The following RGS7 variants were observed in gnomAD, a reference collection of about 807,000 sequenced individuals.
The protein encoded by RGS7 is regulator of G-protein signaling 7.
A neutral mutation model predicts 81.1 loss-of-function variants in RGS7; 27 were observed. The observed-to-expected ratio is 0.33, with a 90% CI of 0.25 to 0.46. The LOEUF is 0.46. Among genes scored for constraint, RGS7 ranks in the 20% least tolerant of loss-of-function variants. The probability of loss-of-function intolerance (pLI) is 1.00; values close to 1 mark genes in which losing one functional copy is unlikely to be tolerated. For synonymous variants in RGS7, 208 were observed against 207.7 expected, an observed-to-expected ratio of 1.00 and a Z score of -0.01; for missense variants, 396 against 607.4, an observed-to-expected ratio of 0.65 and a Z score of 3.66.
At chr1:241,283,803 A>G (rs1366237663) in intron 2 of RGS7, among the ~76,000 whole-genome samples, 1 of 152,112 alleles carries the variant, frequency 6.6e-6, no homozygotes, top group Non-Finnish European at 1.5e-5. Flanking sequence ...AAGTCTTCCT[A>G]TTTAATTTCA....
intron 6 of RGS7, among the ~76,000 whole-genome samples, chr1:240,899,264 G>A (rs1287620574): frequency 6.6e-6 from 1 of 152,124 alleles, no homozygotes; most frequent in Middle Eastern, 3.2e-3. Flanking sequence ...TCTTTTAATT[G>A]AAGCATTTAG....
chr1:240,875,953 T>A (rs1248597781), intron 6 of RGS7, among the ~76,000 whole-genome samples: 2 of 152,240 alleles, frequency 1.3e-5, no homozygotes, highest in East Asian at 1.9e-4. Flanking sequence ...GGCAAAAGTT[T>A]AAAGCTCCTT....
chr1:241,155,448 A>G (rs574404484), intron 2 of RGS7, among the ~76,000 whole-genome samples: 5 of 152,124 alleles, frequency 3.3e-5, no homozygotes, highest in Admixed American at 1.3e-4. Flanking sequence ...AAATTAGTAT[A>G]GTAGAAGGAA....
At chr1:241,142,216 C>G (rs1190994385) in intron 2 of RGS7, among the ~76,000 whole-genome samples, 1 of 152,200 alleles carries the variant, frequency 6.6e-6, no homozygotes, top group Admixed American at 6.5e-5. Context: ...ACAGGTTTTC[C>G]AGGTGCACAG....
intron 6 of RGS7, among the ~76,000 whole-genome samples, chr1:240,888,247 T>G (rs929621723): frequency 6.6e-6 from 1 of 152,182 alleles, no homozygotes; most frequent in African/African-American, 2.4e-5. Flanking sequence ...CCAGGTACGC[T>G]TTCAGTCTCA....
intron 2 of RGS7, among the ~76,000 whole-genome samples, chr1:241,317,134 T>C (rs144444801): frequency 7.4e-4 from 113 of 152,310 alleles, no homozygotes; most frequent in African/African-American, 2.7e-3. Context: ...GCTTCCAATG[T>C]TTGATATGGA....
intron 2 of RGS7, among the ~76,000 whole-genome samples, chr1:241,099,448 A>G (rs916570245): frequency 2.6e-5 from 4 of 152,128 alleles, no homozygotes; most frequent in African/African-American, 9.7e-5. Context: ...ACACACACAT[A>G]TGTATACAAT....
At chr1:241,306,239 T>TCACACACATAAGCACACATGTC (rs2080116631) in intron 2 of RGS7, among the ~76,000 whole-genome samples, 1 of 145,322 alleles carries the variant, frequency 6.9e-6, no homozygotes, top group South Asian at 2.2e-4. Flanking sequence ...CTACACACCC[T>TCACACACATAAGCACACATGTC]CACACACATA....
intron 5 of RGS7, among the ~76,000 whole-genome samples, chr1:240,933,404 A>AT (rs1395017933): frequency 6.6e-6 from 1 of 151,982 alleles, no homozygotes; most frequent in East Asian, 1.9e-4. Flanking sequence ...ATTCTCCATC[A>AT]TTTACTTTAG....
chr1:240,951,155 A>G (rs1022573196), intron 4 of RGS7, among the ~76,000 whole-genome samples: 13 of 152,150 alleles, frequency 8.5e-5, no homozygotes, highest in Non-Finnish European at 1.5e-5. Flanking sequence ...CCTGGGCTTA[A>G]GCTATCTGCC....
intron 3 of RGS7, among the ~76,000 whole-genome samples, chr1:241,010,556 C>T (rs1001396959): frequency 6.6e-6 from 1 of 152,176 alleles, no homozygotes; most frequent in East Asian, 1.9e-4. Context: ...AAGAATGAAA[C>T]TGCATTTTGG....
chr1:241,100,319 G>A (rs983474373), intron 2 of RGS7, among the ~76,000 whole-genome samples: 53 of 145,952 alleles, frequency 3.6e-4, no homozygotes, highest in Non-Finnish European at 1.5e-4. Context: ...AGCTTGCAGT[G>A]AGCCGAGATG....
At chr1:241,016,310 G>A (rs1174880840) in intron 3 of RGS7, among the ~76,000 whole-genome samples, 1 of 152,142 alleles carries the variant, frequency 6.6e-6, no homozygotes, top group Non-Finnish European at 1.5e-5. Flanking sequence ...ATGAGGTCAA[G>A]AGAACAAGAC....
At chr1:241,068,244 A>G (rs1343510042) in intron 3 of RGS7, among the ~76,000 whole-genome samples, 367 of 15,392 alleles carry the variant, frequency 0.024, 26 homozygotes, top group Admixed American at 0.16. Context: ...GTGTGTATAT[A>G]TATATATATA....
intron 2 of RGS7, among the ~76,000 whole-genome samples, chr1:241,251,572 C>T (rs377634160): frequency 8.9e-4 from 134 of 150,852 alleles, no homozygotes; most frequent in African/African-American, 3.2e-3. Context: ...TGCAATGGCG[C>T]GAGCTTGGCT....
chr1:240,960,217 C>CTTCTTCTTTTTTTTTTTTTT (rs60911948), intron 4 of RGS7, among the ~76,000 whole-genome samples: 1 of 8,954 alleles, frequency 1.1e-4, no homozygotes, highest in Non-Finnish European at 2.0e-4. Context: ...TCTTCTTCTT[C>CTTCTTCTTTTTTTTTTTTTT]TTTTTTTTTT....
intron 3 of RGS7, among the ~76,000 whole-genome samples, chr1:241,028,416 T>A (rs1483683077): frequency 6.6e-6 from 1 of 152,202 alleles, no homozygotes; most frequent in Non-Finnish European, 1.5e-5. Context: ...AAAGCTTTAC[T>A]GTTGCAATGG....
intron 2 of RGS7, among the ~76,000 whole-genome samples, chr1:241,176,401 A>C (rs2071147402): frequency 6.6e-6 from 1 of 152,192 alleles, no homozygotes; most frequent in Non-Finnish European, 1.5e-5. Flanking sequence ...CCCCACTTCA[A>C]GGATGAAGGG....
In RGS7 at chr1:241,090,068, G is replaced by A. The variant is rs572982602; in HGVS notation, c.175+8598C>T. Among the ~76,000 whole-genome samples the A allele has an allele frequency of 1.7e-3, 253 of 151,696 alleles. 1 individual carries two copies. The highest frequency in any genetic ancestry group is 3.1e-3 in the Non-Finnish European group (209 of 67,932). On this transcript the variant is annotated intron_variant, in intron 3 of 18. Transcript: ENST00000440928. ...CCATAGGGATCTTGTTTGGAATTTC[G>A]GTCTTAATCCTAAAATCAAAGATGG... is the stretch of plus-strand genomic sequence containing the variant.
Sources: gnomAD v4.1 joint callset for allele counts (sites outside exome capture counted in the v4.1 genomes callset) on GRCh38, gnomAD v4.1.1 for gene constraint, MANE v1.5 for transcripts, NCBI Gene and HGNC (gene_info 2026-07-23, HGNC 2026-07-21) for gene names.